The following SNTG1 variants were observed in gnomAD, a reference collection of about 807,000 sequenced individuals.
SNTG1 encodes the protein gamma-1-syntrophin.
A neutral mutation model predicts 74.7 loss-of-function variants in SNTG1; 39 were observed. That is an observed-to-expected ratio of 0.52 (90% confidence interval 0.40 to 0.68). The LOEUF (loss-of-function observed/expected upper bound fraction) is 0.68, where lower values mean the gene tolerates loss of function less well. Among genes scored for constraint, SNTG1 ranks in the 30% least tolerant of loss-of-function variants. SNTG1 has a pLI of 0.00. For missense variants in SNTG1, 685 were observed against 609.5 expected (o/e 1.12, Z -1.30); for synonymous variants, 254 against 217.1 (o/e 1.17, Z -1.49).
chr8:50,743,864 C>T (rs891206213), intron 17 of SNTG1, among the ~76,000 whole-genome samples: 6 of 151,810 alleles, frequency 4.0e-5, no homozygotes, highest in Non-Finnish European at 5.9e-5. Flanking sequence ...ACAGGAAGCA[C>T]GGTGCTGGCA....
chr8:50,696,810 T>C (rs1015653969), intron 15 of SNTG1, among the ~76,000 whole-genome samples: 18 of 152,148 alleles, frequency 1.2e-4, no homozygotes, highest in Non-Finnish European at 2.2e-4. Flanking sequence ...TATTTGTCTG[T>C]TTTTATGCCA....
chr8:50,029,879 G>A (rs751915002), intron 1 of SNTG1, among the ~76,000 whole-genome samples: 6 of 151,996 alleles, frequency 3.9e-5, no homozygotes, highest in Non-Finnish European at 5.9e-5. Flanking sequence ...TGGGATTGCT[G>A]GCTCATATGG....
intron 1 of SNTG1, among the ~76,000 whole-genome samples, chr8:50,063,826 T>C (rs1284972521): frequency 1.3e-5 from 2 of 152,192 alleles, no homozygotes; most frequent in Non-Finnish European, 2.9e-5. Context: ...TAACTGTAGA[T>C]TCAAAATGCT....
intron 1 of SNTG1, among the ~76,000 whole-genome samples, chr8:50,062,595 C>G (rs781364446): frequency 6.6e-6 from 1 of 152,098 alleles, no homozygotes; most frequent in African/African-American, 2.4e-5. Flanking sequence ...TGTTCACAAG[C>G]TAAATATTTT....
chr8:50,708,991 G>A lies in SNTG1; in HGVS notation c.1284+13G>A. 1.9e-6 allele frequency: 3 copies of A among 1,591,496 alleles called. No individual in the cohort carries two copies. Among genetic ancestry groups the A allele is most frequent in the Non-Finnish European group, 2.6e-6 (3 of 1,159,982 alleles). On this transcript the variant is annotated intron_variant, in intron 17 of 18. Transcript: ENST00000642720. ...TGCTGCAACAAAGGTAATGTGTTCAGGTCAGCTCTGAGAAATATGCTGCAA... is the reference window on the plus strand; with the variant it reads ...TGCTGCAACAAAGGTAATGTGTTCAAGTCAGCTCTGAGAAATATGCTGCAA...
chr8:50,015,031 C>CA (rs1473636478), intron 1 of SNTG1, among the ~76,000 whole-genome samples: 2 of 145,710 alleles, frequency 1.4e-5, no homozygotes, highest in South Asian at 2.1e-4. Context: ...AAAAAGCCAA[C>CA]AAAAAATGTC....
At chr8:50,086,259 A>G (rs1048114358) in intron 1 of SNTG1, among the ~76,000 whole-genome samples, 3 of 152,128 alleles carry the variant, frequency 2.0e-5, no homozygotes, top group Non-Finnish European at 4.4e-5. Flanking sequence ...CATCATCACA[A>G]TTTTAGTGTT....
At chr8:49,930,109 A>G (rs1807426796) in intron 1 of SNTG1, among the ~76,000 whole-genome samples, 1 of 152,160 alleles carries the variant, frequency 6.6e-6, no homozygotes, top group Non-Finnish European at 1.5e-5. Flanking sequence ...AAAACAATTT[A>G]TACTAAATAG....
chr8:50,726,677 G>T (rs181045717), intron 17 of SNTG1, among the ~76,000 whole-genome samples: 1 of 151,972 alleles, frequency 6.6e-6, no homozygotes, highest in Non-Finnish European at 1.5e-5. Context: ...GTGAAACCCC[G>T]TCTCTACTAA....
intron 2 of SNTG1, among the ~76,000 whole-genome samples, chr8:50,241,743 T>C (rs575243795): frequency 6.6e-6 from 1 of 152,264 alleles, no homozygotes; most frequent in East Asian, 1.9e-4. Flanking sequence ...AGAACTATAT[T>C]GATGAGCAGG....
chr8:50,601,152 C>CAGAAAAAAAAA (rs2094771421), intron 13 of SNTG1, among the ~76,000 whole-genome samples: 1 of 31,440 alleles, frequency 3.2e-5, no homozygotes, highest in African/African-American at 2.0e-4. Context: ...GCCAGCGAGA[C>CAGAAAAAAAAA]AAAAAAAAAA....
At chr8:50,078,839 T>A (rs189767017) in intron 1 of SNTG1, among the ~76,000 whole-genome samples, 1 of 152,204 alleles carries the variant, frequency 6.6e-6, no homozygotes, top group Non-Finnish European at 1.5e-5. Context: ...TGTGTTAGTT[T>A]GCTAAGGATG....
At chr8:49,954,688 AC>A (rs1169857310) in intron 1 of SNTG1, among the ~76,000 whole-genome samples, 1 of 152,178 alleles carries the variant, frequency 6.6e-6, no homozygotes, top group Non-Finnish European at 1.5e-5. Context: ...GAGACTGATG[AC>A]AAAGCTTATT....
chr8:49,961,065 CAAGAATAAAACATATGGACAGTTGT>C (rs1810639352), intron 1 of SNTG1, among the ~76,000 whole-genome samples: 1 of 152,200 alleles, frequency 6.6e-6, no homozygotes, highest in East Asian at 1.9e-4. Context: ...CTGGCTTGGG[CAAGAATAAAACATATGGACAGTTGT>C]CAGTGGATCT....
chr8:50,003,710 G>A (rs937201667), intron 1 of SNTG1, among the ~76,000 whole-genome samples: 1 of 152,090 alleles, frequency 6.6e-6, no homozygotes, highest in Non-Finnish European at 1.5e-5. Flanking sequence ...TCTCTCAAGA[G>A]GATCTGCTCT....
intron 13 of SNTG1, among the ~76,000 whole-genome samples, chr8:50,595,945 A>C (rs925841407): frequency 6.6e-6 from 1 of 152,012 alleles, no homozygotes; most frequent in African/African-American, 2.4e-5. Flanking sequence ...ATTTATGAAA[A>C]GTCTTTGTCT....
intron 12 of SNTG1, among the ~76,000 whole-genome samples, chr8:50,573,473 C>T (rs1434956928): frequency 6.6e-6 from 1 of 151,828 alleles, no homozygotes; most frequent in Non-Finnish European, 1.5e-5. Context: ...TATTAACATT[C>T]AGTGGAATGA....
chr8:50,172,610 A>G lies in SNTG1; in HGVS notation c.-53A>G, dbSNP rs1184331286. On this transcript the variant is annotated 5_prime_UTR_variant, in exon 2 of 19. Coordinates refer to ENST00000642720, the MANE Select transcript of SNTG1 (RefSeq NM_018967.5). ...GCCCGAGAAGTGACCCCAGCAAAAG[A>G]AAAATATTGCTGTACCTAAATTCAA... is the stretch of plus-strand genomic sequence containing the variant. 1 of 152,150 alleles carries G rather than the reference A, an allele frequency of 6.6e-6. No homozygotes were observed. Among genetic ancestry groups the G allele is most frequent in the Non-Finnish European group, 1.5e-5 (1 of 68,034 alleles). The allele number at this position is 152,150 out of a possible 1,614,324, so 9.4% of individuals were successfully genotyped here. A position where few individuals can be genotyped will look rare whatever the true frequency, so the allele number is the denominator to read the frequency against.
intron 1 of SNTG1, among the ~76,000 whole-genome samples, chr8:50,059,474 T>G (rs1385848561): frequency 1.3e-5 from 2 of 152,110 alleles, no homozygotes; most frequent in Non-Finnish European, 2.9e-5. Flanking sequence ...AAAGAAACAC[T>G]ATACCTCTAA....
Sources: gnomAD v4.1 joint callset for allele counts (sites outside exome capture counted in the v4.1 genomes callset) on GRCh38, gnomAD v4.1.1 for gene constraint, MANE v1.5 for transcripts, NCBI Gene and HGNC (gene_info 2026-07-23, HGNC 2026-07-21) for gene names.